The following ANKAR variants were observed in gnomAD, a reference collection of about 807,000 sequenced individuals.
ANKAR encodes ankyrin and armadillo repeat-containing protein.
ANKAR carries 136 observed loss-of-function variants against 146.2 expected under a neutral mutation model. That is an observed-to-expected ratio of 0.93 (90% CI 0.81 to 1.07). ANKAR has a LOEUF of 1.07. Ranked by LOEUF, ANKAR falls within the 50% of genes least tolerant of loss-of-function variation. The pLI is 0.00. For synonymous variants in ANKAR, 500 were observed against 575.8 expected (o/e 0.87, Z 1.88); for missense variants, 1,567 against 1,679.9 (o/e 0.93, Z 1.18).
Position 189,720,651 on chromosome 2 carries a change from C to A in ANKAR, c.2499C>A (p.Asn833Lys). 1.4e-6 allele frequency: 2 copies of A among 1,384,422 alleles called. No individual in the cohort carries two copies. Among genetic ancestry groups the A allele is most frequent in the Non-Finnish European group, 1.9e-6 (2 of 1,060,040 alleles). 85.8% of individuals were successfully genotyped at this position (1,384,422 alleles called of 1,614,324 possible). A position where few individuals can be genotyped will look rare whatever the true frequency, so the allele number is the denominator to read the frequency against. Residue 833 changes from asparagine to lysine, a missense_variant, in exon 12 of 23, where the codon AAC (asparagine) becomes AAA (lysine). Asn to Lys is a moderately conservative substitution (Grantham distance 94). Coordinates refer to ENST00000684021, the MANE Select transcript of ANKAR (RefSeq NM_001378068.1). ...TCCCAAGCCTGATAAATCTATTGAA[C>A]TTAAACATAGAAAATGTGCTAGTAA... ...NGIPSLINLL[N>K]LNIENVLVNV...
At chr2:189,742,886 ACACACAC>A (rs1278874530) in intron 20 of ANKAR, among the ~76,000 whole-genome samples, 4 of 128,978 alleles carry the variant, frequency 3.1e-5, no homozygotes, top group African/African-American at 1.2e-4. Context: ...ACACACACAC[ACACACAC>A]TAGAATTACC....
chr2:189,696,477 G>A, intron 7 of ANKAR, 108 bp downstream of exon 7: 1 of 1,034,540 alleles, frequency 9.7e-7, no homozygotes, highest in Non-Finnish European at 1.4e-6. Flanking sequence ...ATTAACTAGA[G>A]CAAAGTTGAG....
At chr2:189,737,147 A>G (rs2042936159) in intron 17 of ANKAR, among the ~76,000 whole-genome samples, 1 of 151,492 alleles carries the variant, frequency 6.6e-6, no homozygotes, top group African/African-American at 2.4e-5. Context: ...GTTGTAATAC[A>G]TTGTTCAAAT....
intron 17 of ANKAR, 122 bp downstream of exon 17, chr2:189,733,351 A>G: frequency 1.2e-6 from 1 of 865,420 alleles, no homozygotes; most frequent in Non-Finnish European, 1.7e-6. Flanking sequence ...AGACATGTAA[A>G]AGATCTCTTT....
At chr2:189,755,824 A>G (rs921855814) in intron 18 of ANKAR, among the ~76,000 whole-genome samples, 1 of 152,214 alleles carries the variant, frequency 6.6e-6, no homozygotes, top group African/African-American at 2.4e-5. Flanking sequence ...CACCAAAATA[A>G]TCTTGTAAAG....
At chr2:189,708,462 T>C (rs2039259985) in intron 9 of ANKAR, among the ~76,000 whole-genome samples, 3 of 152,240 alleles carry the variant, frequency 2.0e-5, no homozygotes, top group Admixed American at 2.0e-4. Context: ...CGGAAGAAAC[T>C]GTACTTACAG....
intron 18 of ANKAR, among the ~76,000 whole-genome samples, chr2:189,758,346 A>C (rs2046400725): frequency 6.6e-6 from 1 of 151,702 alleles, no homozygotes; most frequent in Non-Finnish European, 1.5e-5. Context: ...GCACCATTGC[A>C]CTCTGGTCTG....
intron 3 of ANKAR, among the ~76,000 whole-genome samples, chr2:189,691,035 C>A (rs1281586312): frequency 6.6e-6 from 1 of 152,102 alleles, no homozygotes. Context: ...ATTGAAAAAA[C>A]CTAGTCTTTG....
intron 18 of ANKAR, chr2:189,755,481 C>T (rs898113854): frequency 3.1e-6 from 5 of 1,602,242 alleles, no homozygotes; most frequent in Non-Finnish European, 4.2e-6. Context: ...ACTCCACTGG[C>T]AGAAAGAGCT....
intron 7 of ANKAR, among the ~76,000 whole-genome samples, 166 bp from the exon 8 acceptor site, chr2:189,704,857 G>T (rs1559089421): frequency 6.6e-6 from 1 of 150,992 alleles, no homozygotes; most frequent in East Asian, 1.9e-4. Flanking sequence ...TTAATCCTGA[G>T]TTAAATAAAG....
At chr2:189,724,386 T>C (rs924363611) in intron 12 of ANKAR, among the ~76,000 whole-genome samples, 3 of 152,208 alleles carry the variant, frequency 2.0e-5, no homozygotes, top group Non-Finnish European at 2.9e-5. Context: ...TAGCCCTTTT[T>C]ACTTCCCTAC....
intron 6 of ANKAR, 49 bp from the exon 7 acceptor site, chr2:189,696,095 TAAACCA>T: frequency 6.4e-7 from 1 of 1,553,964 alleles, no homozygotes; most frequent in Admixed American, 1.7e-5. Context: ...TTTTTTTCCT[TAAACCA>T]AACTTTAGGT....
Position 189,730,529 on chromosome 2 carries a change from A to G in ANKAR, c.3228A>G (p.Gln1076=), listed in dbSNP as rs936551184. The G allele has an allele frequency of 1.9e-6, 3 of 1,605,972 alleles. No homozygotes were observed. The Admixed American group carries it at 5.1e-5, about 27-fold the overall frequency. Reference sequence around the variant, plus strand: ...ATACAAGCAATCCTGTCAGTCAACAATTGGTTGTAGATGAAAATGCCTTTC... The same window carrying G: ...ATACAAGCAATCCTGTCAGTCAACAGTTGGTTGTAGATGAAAATGCCTTTC... The part of the protein sequence containing the change: ...VAHTSNPVSQ[Q]LVVDENAFPV... Residue 1076 remains glutamine, a synonymous_variant, in exon 16 of 23, where the codon CAA becomes CAG. Transcript: ENST00000684021.
intron 18 of ANKAR, chr2:189,755,691 T>G: frequency 1.0e-6 from 1 of 975,124 alleles, no homozygotes; most frequent in Non-Finnish European, 1.5e-6. Context: ...TCTAATTGTG[T>G]GCCTTCTAAC....
intron 9 of ANKAR, among the ~76,000 whole-genome samples, chr2:189,710,748 G>A (rs2039577875): frequency 6.6e-6 from 1 of 152,210 alleles, no homozygotes; most frequent in African/African-American, 2.4e-5. Context: ...GCTGCAGTGA[G>A]CTGTGATCAT....
intron 18 of ANKAR, among the ~76,000 whole-genome samples, chr2:189,758,193 C>A (rs1352594118): frequency 6.6e-6 from 1 of 152,092 alleles, no homozygotes; most frequent in Non-Finnish European, 1.5e-5. Context: ...GACAGCCTGA[C>A]CAACATGGAG....
intron 16 of ANKAR, among the ~76,000 whole-genome samples, chr2:189,732,836 T>C (rs2042542392): frequency 6.6e-6 from 1 of 152,124 alleles, no homozygotes. Context: ...TTACATGCTC[T>C]GCTCGCCCTT....
At chr2:189,760,634 G>C (rs1417960206) in intron 18 of ANKAR, among the ~76,000 whole-genome samples, 2 of 151,842 alleles carry the variant, frequency 1.3e-5, no homozygotes, top group Non-Finnish European at 2.9e-5. Flanking sequence ...CTACTAAAAT[G>C]CAAAAAATCA....
intron 18 of ANKAR, chr2:189,752,695 A>C (rs1293288237): frequency 6.2e-7 from 1 of 1,613,806 alleles, no homozygotes; most frequent in East Asian, 2.2e-5. Context: ...TAAAATGCCC[A>C]AGCCAGCACG....
Sources: gnomAD v4.1 joint callset for allele counts (sites outside exome capture counted in the v4.1 genomes callset) on GRCh38, gnomAD v4.1.1 for gene constraint, MANE v1.5 for transcripts, NCBI Gene and HGNC (gene_info 2026-07-23, HGNC 2026-07-21) for gene names.